The following ZNF616 variants were observed in gnomAD, a reference collection of about 807,000 sequenced individuals.
ZNF616 encodes zinc finger protein 616.
A neutral mutation model predicts 7.6 loss-of-function variants in ZNF616; 5 were observed. That is an observed-to-expected ratio of 0.66 (90% CI 0.34 to 1.38). ZNF616 has a LOEUF of 1.38. Among genes scored for constraint, ZNF616 ranks in the 40% most tolerant of loss-of-function variants. ZNF616 has a pLI of 0.04. For missense variants in ZNF616, 913 were observed against 948.3 expected, an observed-to-expected ratio of 0.96 and a Z score of 0.49; for synonymous variants, 319 against 317.2, an observed-to-expected ratio of 1.01 and a Z score of -0.06.
At chr19:52,122,708 C>T (rs2088873797) in intron 3 of ZNF616, among the ~76,000 whole-genome samples, 1 of 150,180 alleles carries the variant, frequency 6.7e-6, no homozygotes, top group Non-Finnish European at 1.5e-5. Flanking sequence ...AATCTCTGCT[C>T]ACTGCAAGCT....
At chr19:52,121,929 G>A (rs1381319999) in intron 3 of ZNF616, among the ~76,000 whole-genome samples, 1 of 151,928 alleles carries the variant, frequency 6.6e-6, no homozygotes, top group Non-Finnish European at 1.5e-5. Context: ...CATTCCCTAA[G>A]CATGACGGGA....
At chr19:52,130,889 C>CCGT (rs2088953409) in intron 1 of ZNF616, among the ~76,000 whole-genome samples, 1 of 152,222 alleles carries the variant, frequency 6.6e-6, no homozygotes, top group African/African-American at 2.4e-5. Context: ...GCACAGCCCC[C>CCGT]CGTCACCTCT....
chr19:52,129,615 T>C (rs1171558965), intron 2 of ZNF616, among the ~76,000 whole-genome samples: 2 of 152,128 alleles, frequency 1.3e-5, no homozygotes, highest in African/African-American at 4.8e-5. Flanking sequence ...TTCAGGTTGA[T>C]TTCATATTTT....
In ZNF616 at chr19:52,139,166, C is replaced by T. The variant is rs911866041; in HGVS notation, c.-77+566G>A. Among the ~76,000 whole-genome samples, 2 of 152,142 alleles carry T rather than the reference C, an allele frequency of 1.3e-5. No homozygotes were observed. The highest frequency in any genetic ancestry group is 4.8e-5 in the African/African-American group (2 of 41,416). ...GCTCCCCCTCTTTTCCTCTCCTGATCCCTCTCACCCACACATTCAGGAGGA... is the reference window on the plus strand; with the variant it reads ...GCTCCCCCTCTTTTCCTCTCCTGATTCCTCTCACCCACACATTCAGGAGGA... On this transcript the variant is annotated intron_variant, in intron 1 of 3. Coordinates refer to ENST00000600228, the MANE Select transcript of ZNF616 (RefSeq NM_178523.5). This position sits in a 1 kb window ranked among gnomAD's most constrained non-coding sequence, Gnocchi z 4.1.
chr19:52,117,944 TATTGTC>T (rs2088839402), intron 3 of ZNF616, among the ~76,000 whole-genome samples: 1 of 150,750 alleles, frequency 6.6e-6, no homozygotes. Context: ...ACTCCCTATC[TATTGTC>T]ATTTTTTCTT....
intron 1 of ZNF616, among the ~76,000 whole-genome samples, chr19:52,136,577 T>C (rs918662177): frequency 6.9e-6 from 1 of 145,588 alleles, no homozygotes; most frequent in Non-Finnish European, 1.5e-5. Context: ...TATTATCAAA[T>C]AGGCAAGAGA....
chr19:52,135,894 C>T lies in ZNF616; in HGVS notation c.-77+3838G>A, dbSNP rs1371965301. Among the ~76,000 whole-genome samples the T allele has an allele frequency of 4.0e-5, 6 of 151,860 alleles. No homozygotes were observed. In the South Asian group the frequency reaches 8.3e-4, roughly 21 times the overall value. On this transcript the variant is annotated intron_variant, in intron 1 of 3. Coordinates refer to ENST00000600228, the MANE Select transcript of ZNF616 (RefSeq NM_178523.5). ...CTGTAATCCTAGCATGTTGAGAGGC[C>T]GAGGCAGGCAGATCTCTTGAGGCCA...
At chr19:52,135,016 G>A (rs1053060858) in intron 1 of ZNF616, among the ~76,000 whole-genome samples, 6 of 152,076 alleles carry the variant, frequency 3.9e-5, no homozygotes, top group Non-Finnish European at 8.8e-5. Flanking sequence ...GCTGCAGGTC[G>A]TTGTGATATC....
intron 2 of ZNF616, among the ~76,000 whole-genome samples, chr19:52,128,832 G>A (rs1277734335): frequency 6.7e-6 from 1 of 149,476 alleles, no homozygotes; most frequent in Non-Finnish European, 1.5e-5. Context: ...ATACAACATG[G>A]TATTATGGTA....
chr19:52,119,111 G>T (rs1048788900), intron 3 of ZNF616, among the ~76,000 whole-genome samples: 1 of 152,096 alleles, frequency 6.6e-6, no homozygotes, highest in African/African-American at 2.4e-5. Context: ...TGCACATAAT[G>T]ATTTAGACAG....
intron 3 of ZNF616, among the ~76,000 whole-genome samples, chr19:52,119,324 C>T (rs941239419): frequency 4.0e-5 from 6 of 149,476 alleles, no homozygotes; most frequent in African/African-American, 7.4e-5. Context: ...TACAGTGAGC[C>T]GAGATCACAC....
rs1319579924 is a variant in ZNF616, at chr19:52,115,035, A to T, written c.2129T>A (p.Ile710Asn). The change falls in exon 4 of 4, where the codon ATC becomes AAC. Residue 710 changes from isoleucine to asparagine, a missense_variant. Coordinates refer to ENST00000600228, the MANE Select transcript of ZNF616 (RefSeq NM_178523.5). ...HSSHLVSHQRIHTGEKRYKCI... is the reference protein window; with the variant it reads ...HSSHLVSHQRNHTGEKRYKCI... Reference sequence around the variant, plus strand: ...TTTGTATCTTTTCTCTCCAGTGTGGATTCTCTGGTGACTTACAAGATGTGA... The same window carrying T: ...TTTGTATCTTTTCTCTCCAGTGTGGTTTCTCTGGTGACTTACAAGATGTGA... The T allele has an allele frequency of 4.3e-6, 7 of 1,614,046 alleles. No individual in the cohort carries two copies. In the Admixed American group the frequency reaches 5.0e-5, roughly 12 times the overall value.
chr19:52,133,737 T>G (rs2088982908), intron 1 of ZNF616, among the ~76,000 whole-genome samples: 2 of 152,082 alleles, frequency 1.3e-5, no homozygotes, highest in Non-Finnish European at 2.9e-5. Context: ...GGTTGCGAAC[T>G]CCAGACCTCA....
Position 52,123,935 on chromosome 19 carries a change from G to C in ZNF616, c.127C>G (p.Leu43Val). The C allele has an allele frequency of 6.2e-7, 1 of 1,613,972 alleles. No individual in the cohort carries two copies. Among genetic ancestry groups the C allele is most frequent in the Non-Finnish European group, 8.5e-7 (1 of 1,179,930 alleles). ...KDVMLENYRN[L>V]VFLGISPKCV... ...AAATTATACTCACCTAGGAAGACCA[G>C]GTTCCTATAGTTCTCCAACATCACA... The change falls in exon 3 of 4, where the codon CTG becomes GTG. Residue 43 changes from leucine (L) to valine (V), a missense_variant. Coordinates refer to ENST00000600228, the MANE Select transcript of ZNF616 (RefSeq NM_178523.5).
In ZNF616 at chr19:52,115,753, C is replaced by T; in HGVS notation, c.1411G>A (p.Gly471Ser). Residue 471 changes from glycine to serine, a missense_variant, in exon 4 of 4, where the codon GGC becomes AGC. Coordinates refer to ENST00000600228, the MANE Select transcript of ZNF616 (RefSeq NM_178523.5). The part of the protein sequence containing the change: ...GEKAYKCNEC[G>S]KVFSIHSRLA... ...CGTGAATGTATGCTGAAAACTTTGC[C>T]ACATTCATTGCATTTATAAGCTTTC... The T allele has an allele frequency of 1.2e-6, 2 of 1,614,102 alleles. No individual in the cohort carries two copies. The highest frequency in any genetic ancestry group is 1.7e-6 in the Non-Finnish European group (2 of 1,180,024).
In ZNF616 at chr19:52,119,523, G is replaced by A. The variant is rs536057288; in HGVS notation, c.140-2499C>T. ...ATGCTAGTAAGTAGCCAGGTATTCC[G>A]TCTGGAACAAAGTACTATTTTAGGA... is the stretch of plus-strand genomic sequence containing the variant. On this transcript the variant is annotated intron_variant, in intron 3 of 3. Coordinates refer to ENST00000600228, the MANE Select transcript of ZNF616 (RefSeq NM_178523.5). Among the ~76,000 whole-genome samples the A allele has an allele frequency of 5.1e-4, 78 of 152,212 alleles. 1 individual carries two copies. Among genetic ancestry groups the A allele is most frequent in the African/African-American group, 5.5e-4 (23 of 41,536 alleles).
At position 52,131,219 on chromosome 19, in the gene ZNF616, GA is replaced by G. The variant is rs372653190; in HGVS notation, c.-76-632del. Among the ~76,000 whole-genome samples the G allele has an allele frequency of 1.6e-4, 19 of 122,500 alleles. No homozygotes were observed. The East Asian group carries it at 4.3e-3, about 28-fold the overall frequency. 80.4% of individuals were successfully genotyped at this position (122,500 alleles called of 152,430 possible). A position where few individuals can be genotyped will look rare whatever the true frequency, so the allele number is the denominator to read the frequency against. ...GGAGGCGGAGGTTGCAGTGAGCCAA[GA>G]TCAAGCCACTGCACTCCAGCCTGGG... On this transcript the variant is annotated intron_variant, in intron 1 of 3. Coordinates refer to ENST00000600228, the MANE Select transcript of ZNF616 (RefSeq NM_178523.5).
intron 2 of ZNF616, 96 bp from the exon 3 acceptor site, chr19:52,124,145 G>A: frequency 6.8e-7 from 1 of 1,462,044 alleles, no homozygotes; most frequent in South Asian, 1.4e-5. Context: ...TGAAGTGTGT[G>A]TTTTGACATA....
At position 52,116,411 on chromosome 19, in the gene ZNF616, T is replaced by C; in HGVS notation, c.753A>G (p.Arg251=). ...GGTGTCTTACAAAATATGAATTTTTTCTGAAGATCTTGCCACATACATCAC... is the reference window on the plus strand; with the variant it reads ...GGTGTCTTACAAAATATGAATTTTTCCTGAAGATCTTGCCACATACATCAC... ...YQCDVCGKIF[R]KNSYFVRHQR... is the part of the protein sequence containing the mutation. The change falls in exon 4 of 4, where the codon AGA becomes AGG. Residue 251 remains arginine (R), a synonymous_variant. Coordinates refer to ENST00000600228, the MANE Select transcript of ZNF616 (RefSeq NM_178523.5). 1 of 1,614,160 alleles carries C rather than the reference T, an allele frequency of 6.2e-7. No individual in the cohort carries two copies. Among genetic ancestry groups the C allele is most frequent in the Non-Finnish European group, 8.5e-7 (1 of 1,180,018 alleles).
Sources: gnomAD v4.1 joint callset for allele counts (sites outside exome capture counted in the v4.1 genomes callset) on GRCh38, gnomAD v4.1.1 for gene constraint, Gnocchi (gnomAD v3.1) non-coding constraint, MANE v1.5 for transcripts, NCBI Gene and HGNC (gene_info 2026-07-23, HGNC 2026-07-21) for gene names.